Variants in LEKR1 observed in about 807,000 individuals in gnomAD.
The protein encoded by LEKR1 is leucine, glutamate and lysine rich 1.
LEKR1 carries 59 observed loss-of-function variants against 72.4 expected under a neutral mutation model. The ratio of observed to expected loss-of-function variants is 0.82; its 90% CI spans 0.66 to 1.01. The LOEUF is 1.01. Ranked by LOEUF, LEKR1 falls within the 50% of genes least tolerant of loss-of-function variation. LEKR1 has a pLI of 0.00. For missense variants in LEKR1, 728 were observed against 759.2 expected, an observed-to-expected ratio of 0.96 and a Z score of 0.48; for synonymous variants, 257 against 263.2, an observed-to-expected ratio of 0.98 and a Z score of 0.23.
intron 2 of LEKR1, among the ~76,000 whole-genome samples, chr3:156,843,956 A>T (rs1225023100): frequency 6.6e-6 from 1 of 152,102 alleles, no homozygotes; most frequent in Non-Finnish European, 1.5e-5. Flanking sequence ...TATTTTTGTG[A>T]CCCAAGGTAG....
At chr3:156,980,604 C>A (rs1053896008) in intron 7 of LEKR1, among the ~76,000 whole-genome samples, 3 of 151,990 alleles carry the variant, frequency 2.0e-5, no homozygotes, top group Non-Finnish European at 2.9e-5. Context: ...CCTCTAATAA[C>A]ATCAAGGAGG....
chr3:157,027,174 A>G (rs1734245725), intron 11 of LEKR1, among the ~76,000 whole-genome samples: 1 of 152,004 alleles, frequency 6.6e-6, no homozygotes, highest in Non-Finnish European at 1.5e-5. Context: ...ATTACATACA[A>G]ATCTTGCTTT....
intron 5 of LEKR1, among the ~76,000 whole-genome samples, chr3:156,929,664 A>G (rs1268808936): frequency 2.6e-5 from 4 of 152,190 alleles, no homozygotes; most frequent in Admixed American, 1.3e-4. Flanking sequence ...CAGAAGAGTT[A>G]TTATCTATGT....
intron 12 of LEKR1, among the ~76,000 whole-genome samples, chr3:157,041,111 A>G (rs894323016): frequency 6.6e-6 from 1 of 152,010 alleles, no homozygotes; most frequent in Non-Finnish European, 1.5e-5. Context: ...TCTCAGGGGG[A>G]GGGCAATTAA....
At chr3:156,881,682 C>T (rs1224984909) in intron 3 of LEKR1, among the ~76,000 whole-genome samples, 59 of 145,886 alleles carry the variant, frequency 4.0e-4, no homozygotes, top group Admixed American at 1.2e-3. Flanking sequence ...AAAAAGAGCC[C>T]GCATCGCCAA....
intron 3 of LEKR1, among the ~76,000 whole-genome samples, chr3:156,858,193 A>G (rs1358956993): frequency 1.3e-5 from 2 of 152,138 alleles, no homozygotes; most frequent in Non-Finnish European, 2.9e-5. Context: ...TGTATCTGTT[A>G]TGACTCCATT....
chr3:156,862,019 C>T (rs1003062421), intron 3 of LEKR1, among the ~76,000 whole-genome samples: 2 of 151,960 alleles, frequency 1.3e-5, no homozygotes, highest in Non-Finnish European at 2.9e-5. Flanking sequence ...ATAATGTTTA[C>T]CTGGGTTTCC....
intron 3 of LEKR1, among the ~76,000 whole-genome samples, chr3:156,866,544 T>A (rs900510680): frequency 1.3e-5 from 2 of 152,094 alleles, no homozygotes; most frequent in Non-Finnish European, 2.9e-5. Context: ...CCAGACCTCT[T>A]ACTATGTGAA....
chr3:156,949,408 C>A (rs557891738), intron 6 of LEKR1, among the ~76,000 whole-genome samples: 4 of 151,510 alleles, frequency 2.6e-5, no homozygotes, highest in African/African-American at 9.6e-5. Context: ...GCACCGTTTA[C>A]TGAATAGGGA....
At chr3:156,917,381 C>T (rs1560078224) in intron 3 of LEKR1, among the ~76,000 whole-genome samples, 1 of 152,088 alleles carries the variant, frequency 6.6e-6, no homozygotes, top group Non-Finnish European at 1.5e-5. Flanking sequence ...AAAGCAAGTA[C>T]TCACCAAGTG....
chr3:156,984,689 A>G (rs1002560321), intron 7 of LEKR1, among the ~76,000 whole-genome samples: 1 of 152,052 alleles, frequency 6.6e-6, no homozygotes, highest in African/African-American at 2.4e-5. Context: ...AAAAAATTTT[A>G]AAAAAATGTT....
intron 2 of LEKR1, among the ~76,000 whole-genome samples, chr3:156,837,893 G>A (rs1713359855): frequency 6.6e-6 from 1 of 152,188 alleles, no homozygotes; most frequent in Non-Finnish European, 1.5e-5. Flanking sequence ...TACCATAGCT[G>A]TGGGGGCCAT....
At chr3:156,983,711 G>A (rs1051990707) in intron 7 of LEKR1, among the ~76,000 whole-genome samples, 1 of 152,116 alleles carries the variant, frequency 6.6e-6, no homozygotes, top group Non-Finnish European at 1.5e-5. Flanking sequence ...GAGTCAAACA[G>A]CCTGGCAGCT....
In LEKR1 at chr3:157,045,771, G is replaced by A. The variant is rs1217402934; in HGVS notation, c.*21G>A. On this transcript the variant is annotated 3_prime_UTR_variant, in exon 13 of 13. Transcript: ENST00000356539. ...AATGATCCAAAATGAGGAGCAGGAAGCTCCCTACAGCGTGCACGCTCTTTC... is the reference window on the plus strand; with the variant it reads ...AATGATCCAAAATGAGGAGCAGGAAACTCCCTACAGCGTGCACGCTCTTTC... 1.3e-6 allele frequency: 2 copies of A among 1,598,396 alleles called. No individual in the cohort carries two copies. The highest frequency in any genetic ancestry group is 1.7e-6 in the Non-Finnish European group (2 of 1,176,470).
At chr3:156,905,874 A>G (rs1722478402) in intron 3 of LEKR1, among the ~76,000 whole-genome samples, 1 of 152,042 alleles carries the variant, frequency 6.6e-6, no homozygotes, top group Admixed American at 6.6e-5. Context: ...CCTTGTTTTG[A>G]TTGATTTCTT....
At chr3:156,926,378 A>G (rs1349567706) in intron 4 of LEKR1, among the ~76,000 whole-genome samples, 1 of 152,064 alleles carries the variant, frequency 6.6e-6, no homozygotes, top group East Asian at 1.9e-4. Context: ...ATTACTGATT[A>G]CCAAATTACT....
intron 10 of LEKR1, among the ~76,000 whole-genome samples, chr3:157,016,183 G>T (rs563559431): frequency 1.3e-5 from 2 of 151,924 alleles, no homozygotes; most frequent in African/African-American, 2.4e-5. Context: ...AAATAATGAC[G>T]GAAAGTTTTA....
intron 3 of LEKR1, among the ~76,000 whole-genome samples, chr3:156,868,562 A>G (rs950090280): frequency 3.3e-5 from 5 of 152,060 alleles, no homozygotes; most frequent in Non-Finnish European, 7.4e-5. Context: ...TTGGGGGTAG[A>G]GTGTGACAAG....
rs75125507 is a variant in LEKR1, at chr3:157,024,325, C to T, written c.1204-435C>T. 4.4e-3 allele frequency among the ~76,000 whole-genome samples: 663 copies of T among 152,294 alleles called. 2 individuals carry two copies. Among genetic ancestry groups the T allele is most frequent in the African/African-American group, 0.015 (639 of 41,574 alleles). ...TGTGACTTCAAAACTTCTATGACCT[C>T]CATCAAGAAAGGGCCACTTGAAAAA... On this transcript the variant is annotated intron_variant, in intron 10 of 12. Coordinates refer to ENST00000356539, the MANE Select transcript of LEKR1 (RefSeq NM_001004316.3).
Sources: allele counts gnomAD v4.1 joint callset (sites outside exome capture counted in the v4.1 genomes callset), GRCh38; gene constraint gnomAD v4.1.1; transcripts MANE v1.5; gene names NCBI Gene and HGNC (gene_info 2026-07-23, HGNC 2026-07-21).